The following NRXN3 variants were observed in gnomAD, a reference collection of about 807,000 sequenced individuals.
NRXN3 encodes neurexin III.
Under a neutral mutation model 137.6 loss-of-function variants are expected in NRXN3, and 32 were observed. The observed-to-expected ratio is 0.23, with a 90% CI of 0.18 to 0.31. The LOEUF is 0.31. Ranked by LOEUF, NRXN3 falls within the 10% of genes least tolerant of loss-of-function variation. The pLI, the probability that NRXN3 is intolerant of heterozygous loss-of-function variation, is 1.00. For missense variants in NRXN3, 1,574 were observed against 2,062.5 expected, an observed-to-expected ratio of 0.76 and a Z score of 4.59; for synonymous variants, 798 against 784.5, an observed-to-expected ratio of 1.02 and a Z score of -0.29.
intron 16 of NRXN3, among the ~76,000 whole-genome samples, chr14:79,540,950 C>G (rs1336587509): frequency 6.6e-6 from 1 of 152,072 alleles, no homozygotes; most frequent in Non-Finnish European, 1.5e-5. Context: ...AGTCCAAAAT[C>G]AAGGTGTCAG....
At chr14:79,393,677 T>C (rs2094927420) in intron 15 of NRXN3, among the ~76,000 whole-genome samples, 1 of 151,950 alleles carries the variant, frequency 6.6e-6, no homozygotes, top group Non-Finnish European at 1.5e-5. Flanking sequence ...TAACCGGGCG[T>C]GGTGGCGGGC....
intron 1 of NRXN3, among the ~76,000 whole-genome samples, chr14:78,195,985 A>G (rs542843416): frequency 1.3e-5 from 2 of 152,336 alleles, no homozygotes; most frequent in South Asian, 4.1e-4. Flanking sequence ...AAATCAGAGA[A>G]TGTGGGATTC....
At chr14:78,806,068 T>G (rs2098866306) in intron 9 of NRXN3, among the ~76,000 whole-genome samples, 1 of 151,450 alleles carries the variant, frequency 6.6e-6, no homozygotes, top group Non-Finnish European at 1.5e-5. Flanking sequence ...TTTTTCCCCT[T>G]TGGCTTCTTT....
At chr14:78,452,334 T>TG (rs1465632135) in intron 4 of NRXN3, among the ~76,000 whole-genome samples, 2 of 152,328 alleles carry the variant, frequency 1.3e-5, no homozygotes, top group East Asian at 1.9e-4. Flanking sequence ...TAAGGCTGTT[T>TG]GGGGCATTAA....
At chr14:79,106,945 A>G (rs1442953680) in intron 15 of NRXN3, among the ~76,000 whole-genome samples, 1 of 152,158 alleles carries the variant, frequency 6.6e-6, no homozygotes, top group Non-Finnish European at 1.5e-5. Context: ...CTAATTTGTG[A>G]TTTTTTAAAA....
intron 8 of NRXN3, among the ~76,000 whole-genome samples, chr14:78,741,747 G>A (rs7155808): frequency 0.026 from 3,955 of 152,174 alleles, 121 homozygotes; most frequent in African/African-American, 0.073. Context: ...GGCCACTATC[G>A]TGTACAGTGG....
chr14:79,583,010 T>C (rs2097731203), intron 16 of NRXN3, among the ~76,000 whole-genome samples: 1 of 152,238 alleles, frequency 6.6e-6, no homozygotes, highest in Non-Finnish European at 1.5e-5. Context: ...ATACACAGCA[T>C]TTATAGAATG....
intron 15 of NRXN3, among the ~76,000 whole-genome samples, chr14:79,059,885 G>A (rs547620849): frequency 6.6e-5 from 10 of 152,282 alleles, no homozygotes; most frequent in African/African-American, 1.9e-4. Context: ...CCCATCTCTC[G>A]AATCAGACAG....
chr14:79,241,187 G>GA, intron 15 of NRXN3, among the ~76,000 whole-genome samples: 1 of 152,206 alleles, frequency 6.6e-6, no homozygotes, highest in South Asian at 2.1e-4. Context: ...AGGACAAGAT[G>GA]AAAAATAGCC....
At chr14:78,183,945 A>G (rs905473645) in intron 1 of NRXN3, among the ~76,000 whole-genome samples, 5 of 152,256 alleles carry the variant, frequency 3.3e-5, no homozygotes, top group African/African-American at 1.2e-4. Flanking sequence ...TGTGGGTTGT[A>G]GAGTTTGGAT....
chr14:79,681,381 G>A (rs183759346), intron 17 of NRXN3, among the ~76,000 whole-genome samples: 5 of 152,182 alleles, frequency 3.3e-5, no homozygotes, highest in Non-Finnish European at 4.4e-5. Context: ...CAAAATTTCC[G>A]TGGCTCATGT....
intron 19 of NRXN3, among the ~76,000 whole-genome samples, chr14:79,782,642 A>T (rs2099117450): frequency 6.6e-6 from 1 of 152,184 alleles, no homozygotes; most frequent in South Asian, 2.1e-4. Context: ...TGCATGATAG[A>T]TATAAAATCT....
intron 15 of NRXN3, among the ~76,000 whole-genome samples, chr14:79,181,669 G>C (rs553057065): frequency 1.4e-5 from 2 of 138,384 alleles, no homozygotes; most frequent in East Asian, 4.2e-4. Flanking sequence ...GCAACAGAGT[G>C]TGACCCTGTC....
At chr14:79,621,186 C>T (rs2098219963) in intron 16 of NRXN3, among the ~76,000 whole-genome samples, 1 of 151,954 alleles carries the variant, frequency 6.6e-6, no homozygotes, top group African/African-American at 2.4e-5. Flanking sequence ...AGCATTTAGC[C>T]CAAGGCTAGG....
chr14:78,366,045 A>T (rs1471566394), intron 4 of NRXN3, among the ~76,000 whole-genome samples: 1 of 152,174 alleles, frequency 6.6e-6, no homozygotes, highest in Non-Finnish European at 1.5e-5. Flanking sequence ...TCTTTTAGCC[A>T]GTTATCTAAC....
At chr14:79,163,307 C>T (rs1310277450) in intron 15 of NRXN3, among the ~76,000 whole-genome samples, 1 of 151,878 alleles carries the variant, frequency 6.6e-6, no homozygotes, top group Non-Finnish European at 1.5e-5. Flanking sequence ...CTTCTTCAAG[C>T]CCAGGTGAAT....
chr14:79,247,708 C>T (rs999796142), intron 15 of NRXN3, among the ~76,000 whole-genome samples: 3 of 152,064 alleles, frequency 2.0e-5, no homozygotes, highest in Admixed American at 6.6e-5. Context: ...TGTATACATA[C>T]ACATTATGTA....
chr14:78,928,771 T>A (rs2099313450), intron 10 of NRXN3, among the ~76,000 whole-genome samples: 1 of 152,184 alleles, frequency 6.6e-6, no homozygotes, highest in East Asian at 1.9e-4. Flanking sequence ...TACGTGTGCA[T>A]GTGTCTTTAT....
chr14:78,814,996 C>T (rs2098927456), intron 10 of NRXN3, among the ~76,000 whole-genome samples: 1 of 152,118 alleles, frequency 6.6e-6, no homozygotes, highest in South Asian at 2.1e-4. Context: ...TTTTCTATTT[C>T]TCTTTCCTCT....
Sources: allele counts gnomAD v4.1 joint callset (sites outside exome capture counted in the v4.1 genomes callset), GRCh38; gene constraint gnomAD v4.1.1; transcripts MANE v1.5; gene names NCBI Gene and HGNC (gene_info 2026-07-23, HGNC 2026-07-21).